REPS2: variants seen among roughly 807,000 people sequenced by gnomAD.
REPS2 encodes ralBP1-associated Eps domain-containing protein 2.
A neutral mutation model predicts 53.6 loss-of-function variants in REPS2; 23 were observed. The observed-to-expected ratio is 0.43, with a 90% CI of 0.31 to 0.61. The LOEUF (loss-of-function observed/expected upper bound fraction) is 0.61, where lower values mean the gene tolerates loss of function less well. Among genes scored for constraint, REPS2 ranks in the 20% least tolerant of loss-of-function variants. The probability of loss-of-function intolerance (pLI) is 0.11; values close to 1 mark genes in which losing one functional copy is unlikely to be tolerated. For synonymous variants in REPS2, 238 were observed against 218.6 expected (o/e 1.09, Z -0.78); for missense variants, 446 against 534.9 (o/e 0.83, Z 1.64).
intron 6 of REPS2, among the ~76,000 whole-genome samples, chrX:17,048,285 ACAT>A (rs2061934696): frequency 1.8e-5 from 2 of 112,372 alleles, no homozygotes; most frequent in African/African-American, 6.5e-5. Context: ...GTAATTGCAA[ACAT>A]CATTTACTGA....
intron 1 of REPS2, among the ~76,000 whole-genome samples, chrX:16,992,768 A>G (rs376004774): frequency 3.9e-4 from 44 of 112,033 alleles, no homozygotes; most frequent in African/African-American, 1.3e-3. Context: ...TGTCTCTTGG[A>G]AGGGGATTTG....
intron 1 of REPS2, among the ~76,000 whole-genome samples, chrX:16,957,174 T>C (rs1447252662): frequency 2.7e-5 from 3 of 111,073 alleles, no homozygotes; most frequent in African/African-American, 9.8e-5. Context: ...CTTTGGGAGG[T>C]TGAGGCGGGC....
chrX:17,139,512 G>A (rs2063415619), intron 17 of REPS2, among the ~76,000 whole-genome samples: 1 of 110,193 alleles, frequency 9.1e-6, no homozygotes, highest in African/African-American at 3.3e-5. Flanking sequence ...TCTCTTCATC[G>A]TTACTCTCCC....
intron 16 of REPS2, chrX:17,138,318 C>A (rs1304285833): frequency 1.8e-5 from 2 of 112,504 alleles, no homozygotes; most frequent in Non-Finnish European, 3.7e-5. Flanking sequence ...ATATGCTGGT[C>A]CATGCACATA....
intron 2 of REPS2, among the ~76,000 whole-genome samples, chrX:17,016,476 C>T (rs2061494971): frequency 8.9e-6 from 1 of 112,532 alleles, no homozygotes; most frequent in Admixed American, 9.4e-5. Flanking sequence ...GAGGCACGAT[C>T]TCAGCTCACT....
At chrX:17,088,990 C>T (rs2062580071) in intron 13 of REPS2, among the ~76,000 whole-genome samples, 1 of 111,400 alleles carries the variant, frequency 9.0e-6, no homozygotes, top group African/African-American at 3.3e-5. Flanking sequence ...CACCCTACTA[C>T]TTTTCTACGG....
intron 14 of REPS2, among the ~76,000 whole-genome samples, chrX:17,128,442 A>G (rs761580506): frequency 2.7e-5 from 3 of 110,892 alleles, no homozygotes; most frequent in African/African-American, 3.3e-5. Flanking sequence ...AGTTGAGAAT[A>G]AGTCTCTAGA....
At chrX:16,949,520 G>A (rs370790530) in intron 1 of REPS2, among the ~76,000 whole-genome samples, 1 of 112,149 alleles carries the variant, frequency 8.9e-6, no homozygotes, top group East Asian at 2.8e-4. Context: ...CGATTCTTCC[G>A]CCTCAGCCTC....
At chrX:17,185,818 A>G in the REPS2 span, among the ~76,000 whole-genome samples, 1 of 111,925 alleles carries the variant, frequency 8.9e-6, no homozygotes, top group African/African-American at 3.3e-5. Context: ...TTTCACAGGC[A>G]GTCTTGACTG....
At chrX:16,956,315 TTTTTG>T (rs1879546735) in intron 1 of REPS2, among the ~76,000 whole-genome samples, 1 of 27,981 alleles carries the variant, frequency 3.6e-5, no homozygotes, top group African/African-American at 1.7e-4. Flanking sequence ...TTTTTTTTTT[TTTTTG>T]AGACAGGGTC....
At chrX:17,089,887 C>T (rs899095357) in intron 13 of REPS2, among the ~76,000 whole-genome samples, 1 of 112,116 alleles carries the variant, frequency 8.9e-6, no homozygotes, top group African/African-American at 3.2e-5. Flanking sequence ...TTTCTCTTAG[C>T]TAGATATATA....
At chrX:17,155,114 G>A (rs1423236311), downstream of REPS2, among the ~76,000 whole-genome samples, 2 of 111,959 alleles carry the variant, frequency 1.8e-5, no homozygotes, top group African/African-American at 6.5e-5. Context: ...ACCCAAAACT[G>A]GATAATTTAT....
chrX:17,110,962 C>T (rs773085305), intron 14 of REPS2, among the ~76,000 whole-genome samples: 4 of 111,348 alleles, frequency 3.6e-5, no homozygotes, highest in Non-Finnish European at 7.5e-5. Flanking sequence ...TGCAGGGAGC[C>T]GAGATTGAGC....
At chrX:17,114,042 G>A (rs963071763) in intron 14 of REPS2, among the ~76,000 whole-genome samples, 1 of 111,817 alleles carries the variant, frequency 8.9e-6, no homozygotes, top group African/African-American at 3.3e-5. Flanking sequence ...AGAAAAGAGG[G>A]GTAACAGCTG....
At chrX:17,001,573 C>T (rs1489202972) in intron 1 of REPS2, among the ~76,000 whole-genome samples, 2 of 112,276 alleles carry the variant, frequency 1.8e-5, no homozygotes, top group Non-Finnish European at 3.8e-5. Flanking sequence ...GATAAAAATG[C>T]AGTGCATGAA....
intron 14 of REPS2, among the ~76,000 whole-genome samples, chrX:17,108,237 G>A (rs2062902310): frequency 9.3e-6 from 1 of 107,635 alleles, no homozygotes; most frequent in African/African-American, 3.4e-5. Flanking sequence ...GCAATGGCGC[G>A]ATCTTGGCTC....
rs765526027 is a variant in REPS2, at chrX:17,022,257, G to A, written c.532G>A (p.Asp178Asn). The A allele has an allele frequency of 5.8e-6, 7 of 1,208,012 alleles. No homozygotes were observed. Among genetic ancestry groups the A allele is most frequent in the East Asian group, 3.0e-5 (1 of 33,757 alleles). ...TEKNSFKRMD[D>N]EDKQQETQSP... ...AAAAAATTCCTTCAAAAGAATGGAC[G>A]ATGAGGATAAACAGGTAAACAGTTT... The change falls in exon 3 of 18, where the codon GAT (aspartate) becomes AAT (asparagine). Residue 178 changes from aspartate to asparagine, a missense_variant. By Grantham distance (23) the Asp-to-Asn change is conservative (BLOSUM62 1). Coordinates refer to ENST00000357277, the MANE Select transcript of REPS2 (RefSeq NM_004726.3).
chrX:16,965,737 A>C (rs1182183022), intron 1 of REPS2, among the ~76,000 whole-genome samples: 1 of 112,659 alleles, frequency 8.9e-6, no homozygotes, highest in East Asian at 2.8e-4. Context: ...CAATCTCTGC[A>C]CTTTGGGAGG....
At chrX:17,072,873 C>T (rs769066290) in intron 11 of REPS2, among the ~76,000 whole-genome samples, 11 of 111,735 alleles carry the variant, frequency 9.8e-5, no homozygotes, top group East Asian at 2.8e-4. Flanking sequence ...TGTGGGTGCA[C>T]GATAATGGGC....
Sources: gnomAD v4.1 joint callset for allele counts (sites outside exome capture counted in the v4.1 genomes callset) on GRCh38, gnomAD v4.1.1 for gene constraint, MANE v1.5 for transcripts, NCBI Gene and HGNC (gene_info 2026-07-23, HGNC 2026-07-21) for gene names.